ERBB4: variants seen among roughly 807,000 people sequenced by gnomAD.
The protein encoded by ERBB4 is erb-b2 receptor tyrosine kinase 4.
Under a neutral mutation model 158.0 loss-of-function variants are expected in ERBB4, and 42 were observed. The ratio of observed to expected loss-of-function variants is 0.27; its 90% CI spans 0.21 to 0.34. The LOEUF (loss-of-function observed/expected upper bound fraction) is 0.34, where lower values mean the gene tolerates loss of function less well. ERBB4 is among the 10% of genes least tolerant of loss of function. The pLI, the probability that ERBB4 is intolerant of heterozygous loss-of-function variation, is 1.00. For synonymous variants in ERBB4, 583 were observed against 558.7 expected (o/e 1.04, Z -0.61); for missense variants, 1,333 against 1,624.1 (o/e 0.82, Z 3.08).
intron 3 of ERBB4, among the ~76,000 whole-genome samples, chr2:211,862,698 C>G (rs569073430): frequency 6.6e-6 from 1 of 152,256 alleles, no homozygotes; most frequent in African/African-American, 2.4e-5. Flanking sequence ...CTGCATAAAA[C>G]TGATATATCA....
At chr2:212,082,605 A>G (rs190856525) in intron 2 of ERBB4, among the ~76,000 whole-genome samples, 5 of 152,080 alleles carry the variant, frequency 3.3e-5, no homozygotes, top group Admixed American at 6.6e-5. Flanking sequence ...AAGAATACCT[A>G]TTTTCTACAA....
At chr2:211,983,930 T>C (rs2081871056) in intron 2 of ERBB4, among the ~76,000 whole-genome samples, 1 of 152,228 alleles carries the variant, frequency 6.6e-6, no homozygotes, top group Admixed American at 6.5e-5. Flanking sequence ...ATCTATAATA[T>C]ACATTATTAT....
intron 16 of ERBB4, among the ~76,000 whole-genome samples, chr2:211,639,593 CAG>C (rs2070493600): frequency 6.6e-6 from 1 of 152,160 alleles, no homozygotes; most frequent in Non-Finnish European, 1.5e-5. Context: ...TAGTTGTTAA[CAG>C]AGAATATATT....
chr2:212,384,627 C>G (rs2090613803), intron 1 of ERBB4, among the ~76,000 whole-genome samples: 1 of 151,478 alleles, frequency 6.6e-6, no homozygotes, highest in African/African-American at 2.4e-5. Context: ...ATAACTATTT[C>G]AAAGAGCAAT....
chr2:212,174,332 G>C (rs1457794820), intron 1 of ERBB4, among the ~76,000 whole-genome samples: 1 of 152,102 alleles, frequency 6.6e-6, no homozygotes, highest in East Asian at 1.9e-4. Context: ...TCTGATGACT[G>C]TTTTGAGAAC....
At chr2:211,867,016 C>T (rs1213102609) in intron 3 of ERBB4, among the ~76,000 whole-genome samples, 2 of 63,114 alleles carry the variant, frequency 3.2e-5, no homozygotes. Context: ...CTCTCCATTC[C>T]TTAAAACCAA....
chr2:211,595,063 C>G (rs1469159899), intron 19 of ERBB4, among the ~76,000 whole-genome samples: 7 of 152,110 alleles, frequency 4.6e-5, no homozygotes, highest in Admixed American at 3.3e-4. Flanking sequence ...TTAAGTTACA[C>G]CCTGAGGAAA....
intron 20 of ERBB4, among the ~76,000 whole-genome samples, chr2:211,550,011 C>T (rs1453215930): frequency 6.6e-6 from 1 of 152,064 alleles, no homozygotes; most frequent in Non-Finnish European, 1.5e-5. Context: ...TAATTTTTCC[C>T]CAGCTTTATT....
chr2:211,488,181 C>T (rs972025487), intron 20 of ERBB4, among the ~76,000 whole-genome samples: 1 of 152,040 alleles, frequency 6.6e-6, no homozygotes, highest in Non-Finnish European at 1.5e-5. Flanking sequence ...GTTCCTTCCC[C>T]CAGCATGTAC....
chr2:212,326,540 C>A (rs1267115435), intron 1 of ERBB4, among the ~76,000 whole-genome samples: 1 of 150,808 alleles, frequency 6.6e-6, no homozygotes, highest in African/African-American at 2.4e-5. Flanking sequence ...AAGCTCCTTA[C>A]ATATTTTCGC....
chr2:212,482,918 A>G (rs1473341087), intron 1 of ERBB4, among the ~76,000 whole-genome samples: 1 of 152,088 alleles, frequency 6.6e-6, no homozygotes, highest in Non-Finnish European at 1.5e-5. Context: ...CACTGTGCCC[A>G]CTCCCTTGTT....
chr2:212,241,730 TA>T (rs2084113765), intron 1 of ERBB4, among the ~76,000 whole-genome samples: 1 of 152,188 alleles, frequency 6.6e-6, no homozygotes, highest in South Asian at 2.1e-4. Context: ...ATTGCTTTGG[TA>T]AATCTACCTA....
At chr2:211,920,712 T>A (rs541818684) in intron 3 of ERBB4, among the ~76,000 whole-genome samples, 187 of 42,528 alleles carry the variant, frequency 4.4e-3, no homozygotes, top group African/African-American at 0.014. Flanking sequence ...GAGCTGTGAC[T>A]TTTTTTTTTT....
chr2:211,625,584 C>T (rs2069811574), intron 17 of ERBB4, among the ~76,000 whole-genome samples: 1 of 152,092 alleles, frequency 6.6e-6, no homozygotes, highest in South Asian at 2.1e-4. Context: ...TAACATAGAA[C>T]TGCATTCAAG....
intron 3 of ERBB4, among the ~76,000 whole-genome samples, chr2:211,928,817 A>G (rs1347800336): frequency 6.6e-6 from 1 of 152,192 alleles, no homozygotes; most frequent in East Asian, 1.9e-4. Flanking sequence ...TTAGCTTTCT[A>G]TGGCATATTG....
intron 1 of ERBB4, among the ~76,000 whole-genome samples, chr2:212,488,133 A>G (rs1350799041): frequency 6.6e-6 from 1 of 151,986 alleles, no homozygotes; most frequent in Non-Finnish European, 1.5e-5. Context: ...AACTCTATGG[A>G]TGATATCTAA....
intron 3 of ERBB4, among the ~76,000 whole-genome samples, chr2:211,825,302 G>A (rs1054893044): frequency 6.6e-6 from 1 of 151,458 alleles, no homozygotes; most frequent in African/African-American, 2.4e-5. Flanking sequence ...GCTTTTATGA[G>A]ACTACACATT....
At chr2:212,193,596 T>A (rs1414671585) in intron 1 of ERBB4, among the ~76,000 whole-genome samples, 1 of 151,920 alleles carries the variant, frequency 6.6e-6, no homozygotes, top group Non-Finnish European at 1.5e-5. Context: ...GTGAAATACA[T>A]GAGAACTCTT....
chr2:212,288,607 C>T (rs925534171), intron 1 of ERBB4, among the ~76,000 whole-genome samples: 1 of 152,136 alleles, frequency 6.6e-6, no homozygotes, highest in Non-Finnish European at 1.5e-5. Context: ...GCCGGCTTCT[C>T]GCTTTGCTGA....
Sources: gnomAD v4.1 joint callset for allele counts (sites outside exome capture counted in the v4.1 genomes callset) on GRCh38, gnomAD v4.1.1 for gene constraint, MANE v1.5 for transcripts, NCBI Gene and HGNC (gene_info 2026-07-23, HGNC 2026-07-21) for gene names.